The following USP15 variants were observed in gnomAD, a reference collection of about 807,000 sequenced individuals.
The protein encoded by USP15 is ubiquitin specific peptidase 15.
In USP15, 18 loss-of-function variants were observed where a neutral mutation model predicts 127.1. The ratio of observed to expected loss-of-function variants is 0.14; its 90% CI spans 0.10 to 0.21. The LOEUF (loss-of-function observed/expected upper bound fraction) is 0.21. Ranked by LOEUF, USP15 falls within the 10% of genes least tolerant of loss-of-function variation. The probability of loss-of-function intolerance (pLI) is 1.00; values close to 1 mark genes in which losing one functional copy is unlikely to be tolerated. For missense variants in USP15, 805 were observed against 1,159.9 expected (o/e 0.69, Z 4.44); for synonymous variants, 364 against 393.7 (o/e 0.92, Z 0.89).
intron 4 of USP15, among the ~76,000 whole-genome samples, chr12:62,317,724 A>G (rs976552194): frequency 6.6e-6 from 1 of 152,168 alleles, no homozygotes; most frequent in Non-Finnish European, 1.5e-5. Flanking sequence ...TCTTGTTACC[A>G]AATTAATAAA....
At chr12:62,362,680 T>C (rs991852610) in intron 8 of USP15, among the ~76,000 whole-genome samples, 1 of 152,162 alleles carries the variant, frequency 6.6e-6, no homozygotes, top group Admixed American at 6.6e-5. Flanking sequence ...CAAATATTTA[T>C]TGAAGGTCTA....
chr12:62,335,010 C>G (rs1485301668), intron 6 of USP15, among the ~76,000 whole-genome samples: 1 of 152,138 alleles, frequency 6.6e-6, no homozygotes, highest in South Asian at 2.1e-4. Context: ...TTCATGAAAC[C>G]ACTTCAGCTA....
chr12:62,280,459 A>G (rs996018117), intron 1 of USP15, among the ~76,000 whole-genome samples: 2 of 152,192 alleles, frequency 1.3e-5, no homozygotes, highest in Non-Finnish European at 1.5e-5. Context: ...CAAGATGACT[A>G]GGTACTGGCA....
intron 14 of USP15, among the ~76,000 whole-genome samples, 168 bp from the exon 15 acceptor site, chr12:62,390,696 T>A (rs1565909498): frequency 6.6e-6 from 1 of 152,066 alleles, no homozygotes; most frequent in Admixed American, 6.5e-5. Flanking sequence ...CAAAACAAAT[T>A]ACTAGTCAGT....
chr12:62,392,896 AAAT>A (rs1317295956), intron 18 of USP15, among the ~76,000 whole-genome samples, 154 bp from the exon 19 acceptor site: 2 of 152,306 alleles, frequency 1.3e-5, no homozygotes, highest in East Asian at 1.9e-4. Flanking sequence ...TTGAAAATAA[AAAT>A]AATAAGAGTT....
At chr12:62,275,929 G>A (rs2063478880) in intron 1 of USP15, among the ~76,000 whole-genome samples, 1 of 151,898 alleles carries the variant, frequency 6.6e-6, no homozygotes, top group South Asian at 2.1e-4. Context: ...GATATAGAAG[G>A]GTATGCTATG....
At chr12:62,261,998 G>T (rs552884123) in intron 1 of USP15, among the ~76,000 whole-genome samples, 1 of 152,114 alleles carries the variant, frequency 6.6e-6, no homozygotes, top group Non-Finnish European at 1.5e-5. Context: ...CAGCACTTTG[G>T]GAGGCCGAGG....
At position 62,416,125 on chromosome 12, in the gene USP15, G is replaced by A. The variant is rs1331106722; in HGVS notation, c.*11750G>A. ...AACATGTCATACTACTTGACAATGG[G>A]GCTTTCCCACATTTGTCCCACATTT... On this transcript the variant is annotated 3_prime_UTR_variant, in exon 22 of 22. Coordinates refer to ENST00000280377, the MANE Select transcript of USP15 (RefSeq NM_001252078.2). 2 of 152,122 alleles carry A rather than the reference G, an allele frequency of 1.3e-5. No homozygotes were observed. Among genetic ancestry groups the A allele is most frequent in the Non-Finnish European group, 2.9e-5 (2 of 68,038 alleles). 9.4% of individuals were successfully genotyped at this position (152,122 alleles called of 1,614,324 possible).
chr12:62,329,027 T>C (rs1449337706), intron 6 of USP15, among the ~76,000 whole-genome samples: 1 of 152,184 alleles, frequency 6.6e-6, no homozygotes, highest in African/African-American at 2.4e-5. Context: ...TCTTGAAGGA[T>C]TAAAGACCTA....
chr12:62,328,580 A>G (rs1565859169), intron 6 of USP15, among the ~76,000 whole-genome samples: 3 of 152,228 alleles, frequency 2.0e-5, no homozygotes, highest in Non-Finnish European at 4.4e-5. Flanking sequence ...AAAGATTGTT[A>G]TGTGATATAT....
At chr12:62,272,694 A>G (rs1187794083) in intron 1 of USP15, among the ~76,000 whole-genome samples, 1 of 151,968 alleles carries the variant, frequency 6.6e-6, no homozygotes, top group Non-Finnish European at 1.5e-5. Flanking sequence ...ACTGCATTTG[A>G]ACAGTGTCTT....
chr12:62,333,675 G>A (rs2065371060), intron 6 of USP15, among the ~76,000 whole-genome samples: 1 of 152,052 alleles, frequency 6.6e-6, no homozygotes, highest in Non-Finnish European at 1.5e-5. Flanking sequence ...AGAAACAGAT[G>A]TAGAATGGTG....
At chr12:62,263,422 C>G (rs905595759) in intron 1 of USP15, among the ~76,000 whole-genome samples, 7 of 152,166 alleles carry the variant, frequency 4.6e-5, no homozygotes, top group African/African-American at 1.7e-4. Context: ...ATGACTGTCT[C>G]ATGGTAACTC....
chr12:62,288,854 TTTTTGTTTTTAA>T (rs371406114), intron 1 of USP15, among the ~76,000 whole-genome samples: 7 of 152,186 alleles, frequency 4.6e-5, no homozygotes, highest in African/African-American at 1.7e-4. Context: ...TATTATATGG[TTTTTGTTTTTAA>T]TTTTGTTTAG....
At chr12:62,387,182 A>G (rs915287759) in intron 11 of USP15, among the ~76,000 whole-genome samples, 4 of 152,190 alleles carry the variant, frequency 2.6e-5, no homozygotes, top group African/African-American at 9.6e-5. Flanking sequence ...TTGTGTATCT[A>G]GACCAAAGGA....
rs1252484973 is a variant in USP15 at position 62,415,495 on chromosome 12, A to G, written c.*11120A>G. On this transcript the variant is annotated 3_prime_UTR_variant, in exon 22 of 22. Transcript: ENST00000280377. Reference sequence around the variant, plus strand: ...AATAAACCATCACATCCCTTCATGTAGAAAAGAGTGGTTTGGACCATAGGC... The same window carrying G: ...AATAAACCATCACATCCCTTCATGTGGAAAAGAGTGGTTTGGACCATAGGC... 1.3e-5 allele frequency: 2 copies of G among 152,224 alleles called. No individual in the cohort carries two copies. The highest frequency in any genetic ancestry group is 2.9e-5 in the Non-Finnish European group (2 of 68,042). The allele number at this position is 152,224 out of a possible 1,614,324, so 9.4% of individuals were successfully genotyped here.
intron 1 of USP15, among the ~76,000 whole-genome samples, chr12:62,265,176 C>A (rs1592443822): frequency 6.6e-6 from 1 of 152,012 alleles, no homozygotes; most frequent in South Asian, 2.1e-4. Context: ...GCTTTTTTTC[C>A]TAAATTATAC....
At chr12:62,311,277 G>T (rs1371881763) in intron 3 of USP15, among the ~76,000 whole-genome samples, 1 of 151,812 alleles carries the variant, frequency 6.6e-6, no homozygotes, top group East Asian at 1.9e-4. Flanking sequence ...AAACATTACT[G>T]GGTAAAATTA....
chr12:62,349,604 C>G (rs1282219067), intron 7 of USP15, among the ~76,000 whole-genome samples: 1 of 151,886 alleles, frequency 6.6e-6, no homozygotes, highest in Non-Finnish European at 1.5e-5. Context: ...AATTTAAATT[C>G]AGATGTCATT....
Sources: allele counts gnomAD v4.1 joint callset (sites outside exome capture counted in the v4.1 genomes callset), GRCh38; gene constraint gnomAD v4.1.1; transcripts MANE v1.5; gene names NCBI Gene and HGNC (gene_info 2026-07-23, HGNC 2026-07-21).